The following GABRP variants were observed in gnomAD, a reference collection of about 807,000 sequenced individuals.
The protein encoded by GABRP is gamma-aminobutyric acid receptor subunit pi.
Under a neutral mutation model 47.8 loss-of-function variants are expected in GABRP, and 52 were observed. The ratio of observed to expected loss-of-function variants is 1.09; its 90% CI spans 0.87 to 1.37. GABRP has a LOEUF of 1.37. Ranked by LOEUF, GABRP falls within the 40% of genes most tolerant of loss-of-function variation. The pLI is 0.00. For missense variants in GABRP, 525 were observed against 542.8 expected (o/e 0.97, Z 0.33); for synonymous variants, 221 against 205.8 (o/e 1.07, Z -0.63).
At chr5:170,805,938 C>A in intron 7 of GABRP, 85 bp downstream of exon 7, 2 of 1,449,264 alleles carry the variant, frequency 1.4e-6, no homozygotes, top group Non-Finnish European at 1.9e-6. Flanking sequence ...ATCGTCTTCT[C>A]ACTTTACCTC....
chr5:170,789,204 C>T lies in GABRP; in HGVS notation c.129C>T (p.Asn43=), dbSNP rs1292580195. The T allele has an allele frequency of 3.1e-6, 5 of 1,614,110 alleles. No individual in the cohort carries two copies. Among genetic ancestry groups the T allele is most frequent in the Non-Finnish European group, 4.2e-6 (5 of 1,179,968 alleles). ...SDKLSLPGFE[N]LTAGYNKFLR... is the part of the protein sequence containing the mutation. ...AGCTTTCCCTGCCTGGCTTTGAGAACCTCACAGCAGGATATAACAAATTTC... is the reference window on the plus strand; with the variant it reads ...AGCTTTCCCTGCCTGGCTTTGAGAATCTCACAGCAGGATATAACAAATTTC... Residue 43 remains asparagine (N), a synonymous_variant, in exon 3 of 10, where the codon AAC becomes AAT. Coordinates refer to ENST00000265294, the MANE Select transcript of GABRP (RefSeq NM_014211.3).
chr5:170,798,892 ACCC>A (rs1765509542), intron 6 of GABRP, among the ~76,000 whole-genome samples: 4 of 151,862 alleles, frequency 2.6e-5, no homozygotes, highest in Admixed American at 6.6e-5. Flanking sequence ...GGTGTGCTGC[ACCC>A]ATTAACTCGT....
intron 3 of GABRP, among the ~76,000 whole-genome samples, chr5:170,790,336 T>C (rs1361165151): frequency 3.3e-5 from 5 of 152,148 alleles, no homozygotes; most frequent in African/African-American, 1.2e-4. Context: ...GACATCCATC[T>C]ATCTCACAGG....
At chr5:170,783,085 G>A (rs1020729758), upstream of GABRP, among the ~76,000 whole-genome samples, 1 of 152,132 alleles carries the variant, frequency 6.6e-6, no homozygotes, top group Non-Finnish European at 1.5e-5. Flanking sequence ...CTCTGTGTGA[G>A]AGCAGGATGG....
intron 1 of GABRP, among the ~76,000 whole-genome samples, chr5:170,785,337 C>G (rs1765099297): frequency 6.6e-6 from 1 of 152,196 alleles, no homozygotes; most frequent in Non-Finnish European, 1.5e-5. Flanking sequence ...AACTGTGTGA[C>G]CTCAGCCAAA....
At chr5:170,791,805 G>A (rs928149191) in intron 3 of GABRP, among the ~76,000 whole-genome samples, 2 of 152,222 alleles carry the variant, frequency 1.3e-5, no homozygotes, top group Non-Finnish European at 2.9e-5. Context: ...AGTCTGTTTT[G>A]TGCTTCTATA....
chr5:170,786,974 G>A (rs1765145745), intron 1 of GABRP, among the ~76,000 whole-genome samples: 2 of 152,116 alleles, frequency 1.3e-5, no homozygotes, highest in Admixed American at 6.5e-5. Flanking sequence ...GAAATGGGGG[G>A]GGACTTTTTT....
chr5:170,798,485 G>A (rs997588314), intron 6 of GABRP, among the ~76,000 whole-genome samples: 6 of 152,004 alleles, frequency 3.9e-5, no homozygotes, highest in South Asian at 2.1e-4. Context: ...AAAACATTTC[G>A]GTGACAACAA....
intron 3 of GABRP, among the ~76,000 whole-genome samples, chr5:170,793,144 A>G (rs915838736): frequency 2.0e-5 from 3 of 152,186 alleles, no homozygotes; most frequent in South Asian, 2.1e-4. Context: ...CCGCCACTCC[A>G]CAAAGACAAT....
intron 6 of GABRP, among the ~76,000 whole-genome samples, chr5:170,798,244 T>C (rs1240962051): frequency 6.6e-6 from 1 of 152,152 alleles, no homozygotes; most frequent in Non-Finnish European, 1.5e-5. Flanking sequence ...GGTTTCACCA[T>C]GTTAGCCAGG....
chr5:170,810,108 T>G, intron 9 of GABRP: 1 of 511,492 alleles, frequency 2.0e-6, no homozygotes, highest in Admixed American at 3.3e-5. Flanking sequence ...TATTTACTAT[T>G]TAATTCTTTT....
intron 7 of GABRP, among the ~76,000 whole-genome samples, chr5:170,807,896 G>A (rs578228181): frequency 3.1e-4 from 47 of 152,208 alleles, no homozygotes; most frequent in African/African-American, 1.0e-3. Context: ...CCTGTTCCCA[G>A]AGGATAACCT....
chr5:170,786,871 A>G (rs1278164845), intron 1 of GABRP, among the ~76,000 whole-genome samples: 4 of 152,230 alleles, frequency 2.6e-5, no homozygotes, highest in African/African-American at 9.6e-5. Context: ...TTTTTTTGAT[A>G]TAGAGATATA....
intron 1 of GABRP, 169 bp from the exon 2 acceptor site, chr5:170,788,405 C>A: frequency 2.0e-6 from 1 of 489,424 alleles, no homozygotes; most frequent in Non-Finnish European, 3.6e-6. Context: ...GAAGTCATTC[C>A]TGGAGGGAAC....
intron 9 of GABRP, among the ~76,000 whole-genome samples, chr5:170,811,505 C>T (rs1765882174): frequency 6.6e-6 from 1 of 152,156 alleles, no homozygotes; most frequent in South Asian, 2.1e-4. Flanking sequence ...CAAACACCTA[C>T]CAGATGCTTT....
intron 7 of GABRP, among the ~76,000 whole-genome samples, chr5:170,808,386 A>G (rs1257744732): frequency 6.6e-6 from 1 of 152,192 alleles, no homozygotes; most frequent in Non-Finnish European, 1.5e-5. Flanking sequence ...GTGATTCAGA[A>G]AAGCCCAGGT....
chr5:170,812,182 A>G lies in GABRP; in HGVS notation c.1247A>G (p.His416Arg), dbSNP rs1290926314. The G allele has an allele frequency of 3.1e-6, 5 of 1,613,972 alleles. No homozygotes were observed. In the Middle Eastern group the frequency reaches 4.9e-4, roughly 160 times the overall value. Residue 416 changes from histidine (H) to arginine (R), a missense_variant, in exon 10 of 10, where the codon CAC (histidine) becomes CGC (arginine). Coordinates refer to ENST00000265294, the MANE Select transcript of GABRP (RefSeq NM_014211.3). The part of the protein sequence containing the change: ...FTIQNPSNVD[H>R]YSKLLFPLIF... ...ATTCAAAACCCCAGTAATGTTGATC[A>G]CTATTCCAAACTACTGTTTCCTTTG... is the stretch of plus-strand genomic sequence containing the variant.
At chr5:170,792,653 G>C (rs938306306) in intron 3 of GABRP, among the ~76,000 whole-genome samples, 10 of 152,126 alleles carry the variant, frequency 6.6e-5, no homozygotes, top group Non-Finnish European at 5.9e-5. Flanking sequence ...GCACCTTCCA[G>C]GGTGTGCCCT....
intron 6 of GABRP, among the ~76,000 whole-genome samples, chr5:170,800,281 C>T (rs1581599932): frequency 6.6e-6 from 1 of 152,178 alleles, no homozygotes; most frequent in African/African-American, 2.4e-5. Flanking sequence ...GGAAAACTGG[C>T]TAGCCATATG....
Sources: allele counts gnomAD v4.1 joint callset (sites outside exome capture counted in the v4.1 genomes callset), GRCh38; gene constraint gnomAD v4.1.1; transcripts MANE v1.5; gene names NCBI Gene and HGNC (gene_info 2026-07-23, HGNC 2026-07-21).